Variants in INSL6 observed in about 807,000 individuals in gnomAD.
The protein encoded by INSL6 is insulin like 6, also known as insulin-like peptide INSL6.
Under a neutral mutation model 9.4 loss-of-function variants are expected in INSL6, and 16 were observed. The observed-to-expected ratio is 1.70, with a 90% CI of 1.15 to 2.59. The LOEUF is 2.59. Ranked by LOEUF, INSL6 falls within the 30% of genes most tolerant of loss-of-function variation. The probability of loss-of-function intolerance (pLI) is 0.00; values close to 1 mark genes in which losing one functional copy is unlikely to be tolerated. For synonymous variants in INSL6, 154 were observed against 96.9 expected, an observed-to-expected ratio of 1.59 and a Z score of -3.46; for missense variants, 391 against 257.3, an observed-to-expected ratio of 1.52 and a Z score of -3.56.
intron 3 of INSL6, among the ~76,000 whole-genome samples, chr9:5,128,902 A>G (rs1824173924): frequency 6.6e-6 from 1 of 152,038 alleles, no homozygotes; most frequent in Non-Finnish European, 1.5e-5. Flanking sequence ...TATTCTTAGA[A>G]TTATGTAATT....
the INSL6 span, among the ~76,000 whole-genome samples, chr9:5,051,035 A>AC: frequency 5.9e-5 from 9 of 152,106 alleles, no homozygotes; most frequent in African/African-American, 2.2e-4. Context: ...CCAGTTGAGC[A>AC]CCCCTAATCC....
the INSL6 span, chr9:5,064,822 A>C: frequency 7.8e-7 from 1 of 1,288,572 alleles, no homozygotes; most frequent in Non-Finnish European, 1.0e-6. Context: ...GAAAATTTTC[A>C]ATATTTAACA....
chr9:5,083,588 T>C, the INSL6 span, among the ~76,000 whole-genome samples: 1 of 152,190 alleles, frequency 6.6e-6, no homozygotes, highest in Admixed American at 6.5e-5. Flanking sequence ...GCTTGCCCTT[T>C]TTTTCCTTGA....
chr9:5,135,563 T>C (rs183997062), intron 2 of INSL6, among the ~76,000 whole-genome samples: 3 of 152,312 alleles, frequency 2.0e-5, no homozygotes, highest in Non-Finnish European at 4.4e-5. Flanking sequence ...AAAGATGTTC[T>C]TTGAAACCAA....
chr9:5,125,504 ATC>A lies in INSL6; in HGVS notation c.*11-995_*11-994del, dbSNP rs1823923439. ...TCCTCATGCATAAATATTTATATTT[ATC>A]TCTGATAATTATCTTAGAATAAAAG... On this transcript the variant is annotated intron_variant, in intron 3 of 3. Coordinates refer to the INSL6 transcript ENST00000649639. Among the ~76,000 whole-genome samples, 3 of 151,600 alleles carry A rather than the reference ATC, an allele frequency of 2.0e-5. No individual in the cohort carries two copies. In the South Asian group the frequency reaches 6.2e-4, roughly 31 times the overall value.
At chr9:5,001,055 A>G in the INSL6 span, among the ~76,000 whole-genome samples, 1 of 152,240 alleles carries the variant, frequency 6.6e-6, no homozygotes, top group Non-Finnish European at 1.5e-5. Context: ...TTTGTGATGT[A>G]TCCTGTGATA....
chr9:5,171,018 C>T (rs937431591), intron 1 of INSL6, among the ~76,000 whole-genome samples: 6 of 152,084 alleles, frequency 3.9e-5, no homozygotes, highest in African/African-American at 1.4e-4. Context: ...GATACCAAAA[C>T]CTGACAGATA....
the INSL6 span, among the ~76,000 whole-genome samples, chr9:5,048,882 A>G: frequency 6.6e-6 from 1 of 152,180 alleles, no homozygotes; most frequent in South Asian, 2.1e-4. Context: ...TCGCATTGTT[A>G]TTTTAGGTAA....
At chr9:5,084,142 G>A in the INSL6 span, among the ~76,000 whole-genome samples, 1 of 152,032 alleles carries the variant, frequency 6.6e-6, no homozygotes, top group South Asian at 2.1e-4. Flanking sequence ...CTCTAAGGAA[G>A]GCGTTTTCAA....
chr9:5,123,329 T>A (rs942039397), downstream of INSL6, among the ~76,000 whole-genome samples: 1 of 151,916 alleles, frequency 6.6e-6, no homozygotes, highest in Non-Finnish European at 1.5e-5. Flanking sequence ...CCCTTCCAAG[T>A]CTCTATTGTC....
At chr9:5,029,635 G>C in the INSL6 span, 1 of 581,326 alleles carries the variant, frequency 1.7e-6, no homozygotes, top group South Asian at 2.5e-5. Context: ...TCAGTTGTAG[G>C]GGTTGGTATA....
the INSL6 span, among the ~76,000 whole-genome samples, chr9:5,074,466 T>TA: frequency 7.2e-5 from 11 of 152,060 alleles, no homozygotes; most frequent in Non-Finnish European, 1.3e-4. Flanking sequence ...TTTCAAACTT[T>TA]AAAAAAATCA....
intron 1 of INSL6, among the ~76,000 whole-genome samples, chr9:5,176,586 A>AT (rs1309921160): frequency 2.0e-5 from 3 of 152,182 alleles, no homozygotes; most frequent in Admixed American, 6.5e-5. Context: ...ATTTACGATG[A>AT]TTAAAAAAAA....
chr9:5,161,374 A>G (rs901588170), downstream of INSL6, among the ~76,000 whole-genome samples: 1 of 152,240 alleles, frequency 6.6e-6, no homozygotes. Flanking sequence ...TGATAAAAAT[A>G]AAAACCTCTC....
At chr9:5,124,070 G>C (rs1823814326) in exon 4 of INSL6, among the ~76,000 whole-genome samples, 1 of 151,216 alleles carries the variant, frequency 6.6e-6, no homozygotes, top group Admixed American at 6.6e-5. Flanking sequence ...AGGGGGTTTT[G>C]GTTGAATTGC....
intron 2 of INSL6, among the ~76,000 whole-genome samples, chr9:5,155,471 A>G (rs887696402): frequency 6.6e-6 from 1 of 151,676 alleles, no homozygotes; most frequent in Non-Finnish European, 1.5e-5. Context: ...AACTTAAAGT[A>G]TAATTTAAAA....
intron 3 of INSL6, chr9:5,126,228 A>C: frequency 1.4e-6 from 1 of 692,486 alleles, no homozygotes; most frequent in Non-Finnish European, 2.5e-6. Context: ...AAAACATACA[A>C]AAGCACACAT....
At chr9:5,135,155 C>T (rs899637826) in intron 2 of INSL6, among the ~76,000 whole-genome samples, 4 of 152,002 alleles carry the variant, frequency 2.6e-5, no homozygotes, top group Non-Finnish European at 5.9e-5. Context: ...TATATATGCA[C>T]CCAATACAGG....
chr9:5,175,141 C>T (rs1307307562), intron 1 of INSL6, among the ~76,000 whole-genome samples: 2 of 152,062 alleles, frequency 1.3e-5, no homozygotes, highest in South Asian at 2.1e-4. Flanking sequence ...GGGGTTTCAA[C>T]GTGTTAGCCA....
Sources: allele counts gnomAD v4.1 joint callset (sites outside exome capture counted in the v4.1 genomes callset), GRCh38; gene constraint gnomAD v4.1.1; transcripts MANE v1.5; gene names NCBI Gene and HGNC (gene_info 2026-07-23, HGNC 2026-07-21).